NAALADL2: variants seen among roughly 807,000 people sequenced by gnomAD.
The protein encoded by NAALADL2 is inactive N-acetylated-alpha-linked acidic dipeptidase-like protein 2.
Under a neutral mutation model 87.2 loss-of-function variants are expected in NAALADL2, and 76 were observed. The ratio of observed to expected loss-of-function variants is 0.87; its 90% CI spans 0.72 to 1.05. The LOEUF is 1.05. Ranked by LOEUF, NAALADL2 falls within the 50% of genes least tolerant of loss-of-function variation. The pLI is 0.00. For synonymous variants in NAALADL2, 354 were observed against 331.0 expected (o/e 1.07, Z -0.75); for missense variants, 1,089 against 945.8 (o/e 1.15, Z -1.99).
chr3:175,562,184 A>C (rs1716381699), intron 9 of NAALADL2, among the ~76,000 whole-genome samples: 1 of 152,166 alleles, frequency 6.6e-6, no homozygotes, highest in Non-Finnish European at 1.5e-5. Flanking sequence ...AGAGTCAAGA[A>C]TACTGGACTT....
intron 4 of NAALADL2, among the ~76,000 whole-genome samples, chr3:175,266,515 T>C (rs1751956663): frequency 6.6e-6 from 1 of 151,718 alleles, no homozygotes; most frequent in Non-Finnish European, 1.5e-5. Flanking sequence ...ATTTCCCTTT[T>C]GTTTCAATCT....
intron 5 of NAALADL2, among the ~76,000 whole-genome samples, chr3:175,398,557 A>G (rs912186699): frequency 1.3e-5 from 2 of 151,950 alleles, no homozygotes; most frequent in African/African-American, 2.4e-5. Flanking sequence ...GTTTTTGCAG[A>G]AATTTTTCTT....
At chr3:174,761,591 A>T (rs1712960495) in intron 3 of NAALADL2, among the ~76,000 whole-genome samples, 1 of 152,148 alleles carries the variant, frequency 6.6e-6, no homozygotes, top group Admixed American at 6.6e-5. Flanking sequence ...TTGGCACAAA[A>T]GTTTTTGCAA....
chr3:174,712,466 C>A (rs1195906085), intron 2 of NAALADL2, among the ~76,000 whole-genome samples: 3 of 136,726 alleles, frequency 2.2e-5, no homozygotes, highest in Non-Finnish European at 4.6e-5. Context: ...TGGCTCACTG[C>A]AAGCTCCACC....
chr3:175,709,535 A>T (rs577317460), intron 11 of NAALADL2, among the ~76,000 whole-genome samples: 69 of 152,254 alleles, frequency 4.5e-4, no homozygotes, highest in African/African-American at 1.5e-3. Flanking sequence ...TGAAGACCTC[A>T]GCCCCCAGGG....
At chr3:175,178,739 G>A (rs1219855643) in intron 2 of NAALADL2, among the ~76,000 whole-genome samples, 1 of 152,012 alleles carries the variant, frequency 6.6e-6, no homozygotes, top group Non-Finnish European at 1.5e-5. Flanking sequence ...AACTAATGAT[G>A]CTGCTGGTCC....
intron 5 of NAALADL2, among the ~76,000 whole-genome samples, chr3:175,435,426 A>G (rs947729677): frequency 6.6e-6 from 1 of 152,112 alleles, no homozygotes; most frequent in Non-Finnish European, 1.5e-5. Context: ...TTCAACTAAC[A>G]TATAATTAAG....
chr3:175,413,676 G>T (rs959395209), intron 5 of NAALADL2, among the ~76,000 whole-genome samples: 1 of 151,778 alleles, frequency 6.6e-6, no homozygotes, highest in Non-Finnish European at 1.5e-5. Flanking sequence ...GACAAAGGCA[G>T]CCTCCAGTTT....
At chr3:174,809,953 TC>T (rs1237880998) in intron 3 of NAALADL2, among the ~76,000 whole-genome samples, 1 of 151,946 alleles carries the variant, frequency 6.6e-6, no homozygotes, top group Non-Finnish European at 1.5e-5. Flanking sequence ...GTGTGGCACC[TC>T]CCCCCTCTCT....
intron 13 of NAALADL2, among the ~76,000 whole-genome samples, chr3:175,802,330 G>GT (rs1401382347): frequency 6.6e-6 from 1 of 150,540 alleles, no homozygotes; most frequent in Non-Finnish European, 1.5e-5. Flanking sequence ...TTTTTTTTTG[G>GT]GGGGGGACAA....
chr3:174,549,940 G>C (rs1056889613), intron 1 of NAALADL2, among the ~76,000 whole-genome samples: 1 of 150,244 alleles, frequency 6.7e-6, no homozygotes, highest in South Asian at 2.1e-4. Flanking sequence ...TACTTTCTTT[G>C]GGTCTAAATT....
intron 3 of NAALADL2, among the ~76,000 whole-genome samples, chr3:174,770,149 A>G (rs1714359432): frequency 6.6e-6 from 1 of 152,206 alleles, no homozygotes. Flanking sequence ...CATGTACATG[A>G]AGAGAACTGT....
intron 3 of NAALADL2, among the ~76,000 whole-genome samples, chr3:174,850,727 A>C (rs1039684922): frequency 8.5e-5 from 13 of 152,138 alleles, no homozygotes; most frequent in Non-Finnish European, 1.3e-4. Context: ...GAAATCAACA[A>C]ATCAACATGG....
chr3:174,635,505 G>T (rs1178891715), intron 2 of NAALADL2, among the ~76,000 whole-genome samples: 1 of 95,134 alleles, frequency 1.1e-5, no homozygotes, highest in African/African-American at 5.8e-5. Context: ...TGGTGGTTGT[G>T]GTTTTTTTTT....
At chr3:175,274,612 T>C (rs150514772) in intron 4 of NAALADL2, among the ~76,000 whole-genome samples, 1 of 152,312 alleles carries the variant, frequency 6.6e-6, no homozygotes, top group Non-Finnish European at 1.5e-5. Flanking sequence ...GCTCAATGGC[T>C]TGGGCTCTGG....
chr3:175,577,396 A>G (rs1008491818), intron 10 of NAALADL2, among the ~76,000 whole-genome samples: 4 of 152,202 alleles, frequency 2.6e-5, no homozygotes, highest in Admixed American at 1.3e-4. Context: ...TAAACTTTTT[A>G]GATAGGAACA....
intron 3 of NAALADL2, among the ~76,000 whole-genome samples, chr3:174,825,012 C>T (rs1721829216): frequency 6.6e-6 from 1 of 152,198 alleles, no homozygotes; most frequent in Non-Finnish European, 1.5e-5. Context: ...TTTAGACACA[C>T]TTGCCCTTTT....
At chr3:175,009,083 G>T (rs1051866790) in intron 1 of NAALADL2, among the ~76,000 whole-genome samples, 3 of 152,034 alleles carry the variant, frequency 2.0e-5, no homozygotes, top group African/African-American at 7.2e-5. Flanking sequence ...TTAAACTTTG[G>T]CTGTTTCAGA....
chr3:175,604,596 G>C (rs1052631824), intron 10 of NAALADL2, among the ~76,000 whole-genome samples: 1 of 151,972 alleles, frequency 6.6e-6, no homozygotes, highest in African/African-American at 2.4e-5. Flanking sequence ...GAGGCACCAC[G>C]CCCAGCCGAA....
Sources: allele counts gnomAD v4.1 joint callset (sites outside exome capture counted in the v4.1 genomes callset), GRCh38; gene constraint gnomAD v4.1.1; transcripts MANE v1.5; gene names NCBI Gene and HGNC (gene_info 2026-07-23, HGNC 2026-07-21).